TJP1: variants seen among roughly 807,000 people sequenced by gnomAD.
The protein encoded by TJP1 is tight junction protein 1.
In TJP1, 43 loss-of-function variants were observed where a neutral mutation model predicts 194.2. The ratio of observed to expected loss-of-function variants is 0.22; its 90% CI spans 0.17 to 0.29. The LOEUF (loss-of-function observed/expected upper bound fraction) is 0.29. Among genes scored for constraint, TJP1 ranks in the 10% least tolerant of loss-of-function variants. The pLI, the probability that TJP1 is intolerant of heterozygous loss-of-function variation, is 1.00. For synonymous variants in TJP1, 801 were observed against 779.0 expected (o/e 1.03, Z -0.47); for missense variants, 1,971 against 2,185.7 (o/e 0.90, Z 1.96).
intron 2 of TJP1, among the ~76,000 whole-genome samples, chr15:29,828,650 C>A (rs2050744545): frequency 6.6e-6 from 1 of 151,952 alleles, no homozygotes; most frequent in Non-Finnish European, 1.5e-5. Flanking sequence ...ATATCATTTG[C>A]CTATTACATC....
chr15:29,838,992 C>CTT (rs760557407), intron 2 of TJP1, among the ~76,000 whole-genome samples: 8,084 of 83,492 alleles, frequency 0.097, 803 homozygotes, highest in South Asian at 0.12. Context: ...AAAAATTCAC[C>CTT]TTTTTTTTTT....
chr15:29,959,041 G>A (rs997161187), intron 1 of TJP1, among the ~76,000 whole-genome samples: 2 of 151,390 alleles, frequency 1.3e-5, no homozygotes, highest in African/African-American at 4.9e-5. Context: ...CCAGGCTGGA[G>A]TGCAGCGGCG....
At chr15:29,909,378 G>C (rs1024084089) in intron 2 of TJP1, among the ~76,000 whole-genome samples, 1 of 149,318 alleles carries the variant, frequency 6.7e-6, no homozygotes, top group African/African-American at 2.5e-5. Context: ...AGAGAAAATG[G>C]TTCATTTTTA....
intron 2 of TJP1, among the ~76,000 whole-genome samples, chr15:29,856,042 C>G (rs2051838239): frequency 1.3e-5 from 2 of 151,988 alleles, no homozygotes; most frequent in East Asian, 1.9e-4. Context: ...TTCATAAGAG[C>G]CAAAAAGCAA....
intron 11 of TJP1, among the ~76,000 whole-genome samples, chr15:29,734,729 G>A (rs570610881): frequency 3.2e-4 from 48 of 152,024 alleles, no homozygotes; most frequent in Admixed American, 3.3e-4. Context: ...CAGGTGATCC[G>A]CCCGCTTTGG....
chr15:29,859,428 A>G (rs574154304), intron 2 of TJP1, among the ~76,000 whole-genome samples: 1 of 152,320 alleles, frequency 6.6e-6, no homozygotes, highest in South Asian at 2.1e-4. Flanking sequence ...CCATCATCTG[A>G]TTATGAAATC....
intron 2 of TJP1, among the ~76,000 whole-genome samples, chr15:29,951,752 T>C (rs970720380): frequency 2.6e-5 from 4 of 152,180 alleles, no homozygotes; most frequent in African/African-American, 9.7e-5. Context: ...CCATAAACTG[T>C]TAATTGGATC....
At chr15:29,785,889 G>A (rs1186209338) in intron 2 of TJP1, among the ~76,000 whole-genome samples, 2 of 152,304 alleles carry the variant, frequency 1.3e-5, no homozygotes, top group African/African-American at 4.8e-5. Flanking sequence ...GGTCCTGTGT[G>A]TCTCTATACT....
chr15:29,776,691 T>C (rs748314142), intron 2 of TJP1, among the ~76,000 whole-genome samples: 8 of 152,152 alleles, frequency 5.3e-5, no homozygotes, highest in Admixed American at 2.6e-4. Context: ...AAAATACTGG[T>C]TCCCTGAGTT....
chr15:29,955,283 C>T (rs190961920), intron 2 of TJP1, among the ~76,000 whole-genome samples: 9 of 152,048 alleles, frequency 5.9e-5, no homozygotes, highest in Admixed American at 5.9e-4. Context: ...ACCAAATAAC[C>T]TAAACATTCA....
At chr15:29,769,736 T>C (rs1314902918) in intron 4 of TJP1, among the ~76,000 whole-genome samples, 3 of 152,200 alleles carry the variant, frequency 2.0e-5, no homozygotes, top group South Asian at 2.1e-4. Context: ...GCAGTACTTA[T>C]GTTGGTGGTG....
intron 11 of TJP1, 106 bp from the exon 12 acceptor site, chr15:29,734,488 CTTT>C: frequency 5.9e-5 from 33 of 557,556 alleles, no homozygotes; most frequent in East Asian, 1.2e-4. Context: ...AATATCACAT[CTTT>C]TTTTTTTTTT....
chr15:29,720,750 T>C lies in TJP1; in HGVS notation c.2413-42A>G, dbSNP rs2042880339. The C allele has an allele frequency of 2.7e-6, 4 of 1,463,488 alleles. No homozygotes were observed. In the East Asian group the frequency reaches 9.2e-5, roughly 33 times the overall value. 90.7% of individuals were successfully genotyped at this position (1,463,488 alleles called of 1,614,324 possible). A position where few individuals can be genotyped will look rare whatever the true frequency, so the allele number is the denominator to read the frequency against. On this transcript the variant is annotated intron_variant, in intron 18 of 27. Coordinates refer to ENST00000614355, the MANE Select transcript of TJP1 (RefSeq NM_001330239.4). ...TAAATTACAAATTTTATTCAGTAGT[T>C]CTTTAAGAGATGGCCTTTATCGTAC... is the stretch of plus-strand genomic sequence containing the variant.
chr15:29,818,177 C>T (rs2151987355), intron 1 of TJP1, among the ~76,000 whole-genome samples: 1 of 152,268 alleles, frequency 6.6e-6, no homozygotes, highest in African/African-American at 2.4e-5. Flanking sequence ...TTAACAAAAA[C>T]ATTTAAGTAT....
At chr15:29,734,139 A>C (rs1479070950) in intron 12 of TJP1, 135 bp downstream of exon 12, 1 of 608,530 alleles carries the variant, frequency 1.6e-6, no homozygotes. Context: ...TTAGAATTAC[A>C]TAACTTTCTT....
chr15:29,771,244 G>C (rs1032048129), intron 4 of TJP1, among the ~76,000 whole-genome samples: 8 of 152,100 alleles, frequency 5.3e-5, no homozygotes, highest in African/African-American at 1.9e-4. Context: ...CCCAAACCCA[G>C]ATGGTATAGC....
intron 10 of TJP1, chr15:29,741,052 G>T: frequency 2.3e-5 from 5 of 216,684 alleles, no homozygotes; most frequent in South Asian, 9.3e-5. Context: ...TGGAAATTCT[G>T]ATGTCTGAAT....
intron 24 of TJP1, 25 bp from the exon 25 acceptor site, chr15:29,709,061 A>C (rs2042082182): frequency 6.3e-7 from 1 of 1,586,384 alleles, no homozygotes; most frequent in Admixed American, 1.8e-5. Flanking sequence ...TAAGCATTTA[A>C]ATAACTTTCT....
At chr15:29,827,107 C>T (rs113760712), upstream of TJP1, among the ~76,000 whole-genome samples, 2,535 of 152,282 alleles carry the variant, frequency 0.017, 36 homozygotes, top group Middle Eastern at 0.031. Context: ...AAGCCCCAAA[C>T]GGGCAGTGTC....
Sources: gnomAD v4.1 joint callset for allele counts (sites outside exome capture counted in the v4.1 genomes callset) on GRCh38, gnomAD v4.1.1 for gene constraint, MANE v1.5 for transcripts, NCBI Gene and HGNC (gene_info 2026-07-23, HGNC 2026-07-21) for gene names.